The following STAU1 variants were observed in gnomAD, a reference collection of about 807,000 sequenced individuals.
The protein encoded by STAU1 is staufen double-stranded RNA binding protein 1, also known as double-stranded RNA-binding protein Staufen homolog 1.
In STAU1, 13 loss-of-function variants were observed where a neutral mutation model predicts 62.9. That is an observed-to-expected ratio of 0.21 (90% CI 0.13 to 0.33). The LOEUF (loss-of-function observed/expected upper bound fraction) is 0.33, where lower values mean the gene tolerates loss of function less well. STAU1 is among the 10% of genes least tolerant of loss of function. The pLI, the probability that STAU1 is intolerant of heterozygous loss-of-function variation, is 1.00. For synonymous variants in STAU1, 269 were observed against 265.1 expected, an observed-to-expected ratio of 1.01 and a Z score of -0.14; for missense variants, 571 against 712.1, an observed-to-expected ratio of 0.80 and a Z score of 2.25.
intron 3 of STAU1, among the ~76,000 whole-genome samples, chr20:49,162,365 A>G (rs2093461732): frequency 6.6e-6 from 1 of 152,192 alleles, no homozygotes; most frequent in Non-Finnish European, 1.5e-5. Flanking sequence ...GGGGAAAATA[A>G]CATCTCTCCA....
rs963609658 is a variant in STAU1 at position 49,136,278 on chromosome 20, G to A, written c.511-347C>T. Reference sequence around the variant, plus strand: ...ATCATGCGCCACTGCACTCCAGCCTGGGTGACACAGCGAGACGCTGTCCCC... The same window carrying A: ...ATCATGCGCCACTGCACTCCAGCCTAGGTGACACAGCGAGACGCTGTCCCC... On this transcript the variant is annotated intron_variant, in intron 5 of 13. Coordinates refer to ENST00000371856, the MANE Select transcript of STAU1 (RefSeq NM_017453.4). Among the ~76,000 whole-genome samples, 7 of 152,164 alleles carry A rather than the reference G, an allele frequency of 4.6e-5. No homozygotes were observed. The East Asian group carries it at 1.3e-3, about 29-fold the overall frequency.
At chr20:49,216,007 C>CAAAAAAAAAAAAAAAAAAAAAAAAAAAA in the STAU1 span, among the ~76,000 whole-genome samples, 6 of 36,458 alleles carry the variant, frequency 1.6e-4, no homozygotes, top group Non-Finnish European at 2.6e-4. Context: ...GACTATGTCT[C>CAAAAAAAAAAAAAAAAAAAAAAAAAAAA]AAAAAAAAAA....
the STAU1 span, among the ~76,000 whole-genome samples, chr20:49,194,788 A>G: frequency 6.6e-6 from 1 of 152,076 alleles, no homozygotes; most frequent in African/African-American, 2.4e-5. Context: ...TCTGTTGGCC[A>G]GGCTGGTCTC....
At chr20:49,138,274 C>T (rs1010567815) in intron 5 of STAU1, among the ~76,000 whole-genome samples, 4 of 151,548 alleles carry the variant, frequency 2.6e-5, no homozygotes, top group African/African-American at 9.7e-5. Flanking sequence ...AGTGTGAGAC[C>T]GTGTCACACC....
At chr20:49,211,567 G>A in the STAU1 span, among the ~76,000 whole-genome samples, 4 of 151,972 alleles carry the variant, frequency 2.6e-5, no homozygotes, top group South Asian at 8.3e-4. Context: ...GAGTGCAATG[G>A]TGCGATCTAG....
chr20:49,153,070 G>A (rs1287020551), intron 4 of STAU1, among the ~76,000 whole-genome samples: 1 of 151,538 alleles, frequency 6.6e-6, no homozygotes. Context: ...CTAACAAGGT[G>A]AAACCCCGTC....
At chr20:49,186,620 G>A (rs1332162913) in intron 1 of STAU1, among the ~76,000 whole-genome samples, 1 of 152,018 alleles carries the variant, frequency 6.6e-6, no homozygotes, top group Non-Finnish European at 1.5e-5. Flanking sequence ...ATAAAACTAA[G>A]TACAGAATTT....
upstream of STAU1, among the ~76,000 whole-genome samples, chr20:49,193,100 G>T (rs1263235595): frequency 1.3e-5 from 2 of 152,110 alleles, no homozygotes; most frequent in Non-Finnish European, 2.9e-5. Flanking sequence ...TTCAAGGCTG[G>T]GTGCAGTGAC....
intron 13 of STAU1, 119 bp downstream of exon 13, chr20:49,115,663 G>C (rs1271079068): frequency 1.1e-6 from 1 of 883,918 alleles, no homozygotes; most frequent in Non-Finnish European, 1.8e-6. Flanking sequence ...TCAGGCAAAA[G>C]GGCCAGAAAG....
chr20:49,198,617 G>A, the STAU1 span, among the ~76,000 whole-genome samples: 1 of 151,780 alleles, frequency 6.6e-6, no homozygotes, highest in Non-Finnish European at 1.5e-5. Context: ...ATCACTTGAG[G>A]TCACTAATTC....
At chr20:49,153,790 A>T in intron 4 of STAU1, 143 bp downstream of exon 4, 1 of 706,918 alleles carries the variant, frequency 1.4e-6, no homozygotes, top group Non-Finnish European at 2.1e-6. Flanking sequence ...CAAAGGCACA[A>T]GAGTAATTAA....
intron 6 of STAU1, among the ~76,000 whole-genome samples, chr20:49,125,647 C>T (rs2092594650): frequency 2.0e-5 from 3 of 151,652 alleles, no homozygotes; most frequent in Middle Eastern, 3.4e-3. Flanking sequence ...GAGATCGAGA[C>T]CATCCTGGCT....
chr20:49,114,847 G>T lies in STAU1; in HGVS notation c.*31C>A. ...TCAGTATTTTCAGTATATATGTTGGGATTTTATAATGGTTCATGGCCAGAA... is the reference window on the plus strand; with the variant it reads ...TCAGTATTTTCAGTATATATGTTGGTATTTTATAATGGTTCATGGCCAGAA... On this transcript the variant is annotated 3_prime_UTR_variant, in exon 14 of 14. Coordinates refer to ENST00000371856, the MANE Select transcript of STAU1 (RefSeq NM_017453.4). The T allele has an allele frequency of 6.2e-7, 1 of 1,611,330 alleles. No individual in the cohort carries two copies. The highest frequency in any genetic ancestry group is 8.5e-7 in the Non-Finnish European group (1 of 1,178,092).
At chr20:49,128,843 G>T (rs1044598485) in intron 6 of STAU1, among the ~76,000 whole-genome samples, 1 of 146,482 alleles carries the variant, frequency 6.8e-6, no homozygotes, top group South Asian at 2.1e-4. Flanking sequence ...AACTCGAAAT[G>T]AATTATAAAC....
In STAU1 at chr20:49,119,908, G is replaced by A. The variant is rs1048507167; in HGVS notation, c.1113+74C>T. On this transcript the variant is annotated intron_variant, in intron 9 of 13. Coordinates refer to ENST00000371856, the MANE Select transcript of STAU1 (RefSeq NM_017453.4). The stretch of plus-strand genomic sequence containing the variant: ...CAGATAAAGCCTTGCCTTGAAGCCT[G>A]CCCCTGGAGGTGCCCCAGTTCCCTA... 6.4e-5 allele frequency: 98 copies of A among 1,533,748 alleles called. No individual in the cohort carries two copies. The Admixed American group carries it at 1.8e-3, about 28-fold the overall frequency.
At chr20:49,210,330 T>C in the STAU1 span, 2 of 429,048 alleles carry the variant, frequency 4.7e-6, no homozygotes, top group South Asian at 1.7e-5. Context: ...ATGGATAATT[T>C]AGCTGGGTAT....
chr20:49,151,275 A>T (rs1308442914), intron 5 of STAU1, among the ~76,000 whole-genome samples: 1 of 152,200 alleles, frequency 6.6e-6, no homozygotes, highest in Non-Finnish European at 1.5e-5. Context: ...CGAAGACTTC[A>T]TCCATACATG....
chr20:49,175,545 T>C (rs1475331279), intron 1 of STAU1, among the ~76,000 whole-genome samples: 1 of 152,094 alleles, frequency 6.6e-6, no homozygotes, highest in Non-Finnish European at 1.5e-5. Flanking sequence ...AGTGGCGTGA[T>C]GTCGGCTCCC....
At chr20:49,205,413 T>C in the STAU1 span, among the ~76,000 whole-genome samples, 2 of 146,770 alleles carry the variant, frequency 1.4e-5, no homozygotes, top group Admixed American at 1.4e-4. Context: ...TGGCCCAGGC[T>C]GGAGTGCAGC....
Sources: gnomAD v4.1 joint callset for allele counts (sites outside exome capture counted in the v4.1 genomes callset) on GRCh38, gnomAD v4.1.1 for gene constraint, MANE v1.5 for transcripts, NCBI Gene and HGNC (gene_info 2026-07-23, HGNC 2026-07-21) for gene names.